PLA2G4E: variants seen among roughly 807,000 people sequenced by gnomAD.
The protein encoded by PLA2G4E is phospholipase A2 group IVE.
In PLA2G4E, 84 loss-of-function variants were observed where a neutral mutation model predicts 109.1. The ratio of observed to expected loss-of-function variants is 0.77; its 90% CI spans 0.65 to 0.92. The LOEUF (loss-of-function observed/expected upper bound fraction) is 0.92. PLA2G4E is among the 40% of genes least tolerant of loss of function. The pLI, the probability that PLA2G4E is intolerant of heterozygous loss-of-function variation, is 0.00. For synonymous variants in PLA2G4E, 469 were observed against 436.1 expected, an observed-to-expected ratio of 1.08 and a Z score of -0.94; for missense variants, 1,057 against 1,076.6, an observed-to-expected ratio of 0.98 and a Z score of 0.25.
chr15:42,050,645 T>C (rs929993198), exon 1 of PLA2G4E: 19 of 1,550,532 alleles, frequency 1.2e-5, no homozygotes, highest in Non-Finnish European at 1.5e-5. Context: ...TTGTGGGCTC[T>C]GTGGGACAAA....
intron 13 of PLA2G4E, among the ~76,000 whole-genome samples, chr15:41,991,249 G>A (rs1243079786): frequency 6.6e-6 from 1 of 152,190 alleles, no homozygotes; most frequent in Non-Finnish European, 1.5e-5. Context: ...TGGGAACCCA[G>A]CTCCTTCCCA....
intron 1 of PLA2G4E, among the ~76,000 whole-genome samples, chr15:42,029,018 A>G (rs780125548): frequency 6.6e-6 from 1 of 152,196 alleles, no homozygotes; most frequent in African/African-American, 2.4e-5. Context: ...AGTGTCATCA[A>G]TGTATCTGGC....
At chr15:42,018,003 G>T (rs1236564773) in intron 1 of PLA2G4E, among the ~76,000 whole-genome samples, 1 of 152,200 alleles carries the variant, frequency 6.6e-6, no homozygotes. Flanking sequence ...GCACAGAATT[G>T]GGACTGGGAA....
chr15:42,011,184 C>G (rs1187417060), intron 2 of PLA2G4E, among the ~76,000 whole-genome samples: 1 of 152,258 alleles, frequency 6.6e-6, no homozygotes, highest in African/African-American at 2.4e-5. Flanking sequence ...CCAGGTATCG[C>G]CCAAAGGCAG....
rs1566832662 is a variant in PLA2G4E, at chr15:41,983,816, G to GGA, written c.2543_2544dup (p.Leu849SerfsTer15). On this transcript the variant is annotated frameshift_variant, in exon 20 of 20. Transcript: ENST00000399518. LOFTEE classifies it high-confidence loss of function. ...TCCACTGCGAGCCGCAGAGCCTGGA[G>GGA]GAGAGTGTCCTTATTATTCAGGATG... The GGA allele has an allele frequency of 6.2e-7, 1 of 1,610,624 alleles. No individual in the cohort carries two copies. The highest frequency in any genetic ancestry group is 8.5e-7 in the Non-Finnish European group (1 of 1,178,408).
chr15:42,005,020 C>T (rs1595566004), intron 4 of PLA2G4E, 42 bp from the exon 5 acceptor site: 2 of 1,606,166 alleles, frequency 1.2e-6, no homozygotes, highest in Non-Finnish European at 1.7e-6. Context: ...GTGGCGTCTG[C>T]ACATCTCTGC....
intron 17 of PLA2G4E, 110 bp downstream of exon 17, chr15:41,987,062 G>A: frequency 8.6e-7 from 1 of 1,161,966 alleles, no homozygotes. Context: ...GCCTGGCCCA[G>A]TGAACATAGC....
chr15:42,040,028 T>C (rs1020676122), intron 1 of PLA2G4E, among the ~76,000 whole-genome samples: 8 of 152,196 alleles, frequency 5.3e-5, no homozygotes, highest in African/African-American at 1.9e-4. Flanking sequence ...ATTCTATCAA[T>C]AAATGTACTT....
At chr15:42,011,821 C>T (rs1409975147) in intron 2 of PLA2G4E, among the ~76,000 whole-genome samples, 4 of 152,162 alleles carry the variant, frequency 2.6e-5, no homozygotes, top group Non-Finnish European at 5.9e-5. Flanking sequence ...TGGGTTGTCC[C>T]AAGGATGAGG....
At chr15:42,018,946 C>G (rs1441061408) in intron 1 of PLA2G4E, among the ~76,000 whole-genome samples, 1 of 152,054 alleles carries the variant, frequency 6.6e-6, no homozygotes, top group Non-Finnish European at 1.5e-5. Context: ...TGACTCTGCT[C>G]TGGCAGGCCC....
chr15:42,036,830 G>T (rs920455350), intron 1 of PLA2G4E, among the ~76,000 whole-genome samples: 2 of 152,174 alleles, frequency 1.3e-5, no homozygotes, highest in Non-Finnish European at 2.9e-5. Context: ...TGTGGGCCTG[G>T]GCCTCTGTGT....
At chr15:42,050,659 A>G in exon 1 of PLA2G4E, 1 of 1,550,518 alleles carries the variant, frequency 6.4e-7, no homozygotes, top group South Asian at 1.2e-5. Context: ...GGACAAACAC[A>G]TTAGTTCCCA....
intron 1 of PLA2G4E, among the ~76,000 whole-genome samples, chr15:42,017,007 G>T (rs1006526665): frequency 6.6e-6 from 1 of 152,212 alleles, no homozygotes; most frequent in Admixed American, 6.5e-5. Context: ...GGCCTGGTGA[G>T]GAGGCAGGGT....
exon 13 of PLA2G4E, chr15:41,992,951 G>T (rs778664823): frequency 6.2e-7 from 1 of 1,611,456 alleles, no homozygotes; most frequent in Admixed American, 1.7e-5. Flanking sequence ...GTACAAGGTA[G>T]CCATGGTCCT....
intron 4 of PLA2G4E, 73 bp from the exon 5 acceptor site, chr15:42,005,051 C>G: frequency 6.4e-7 from 1 of 1,568,764 alleles, no homozygotes; most frequent in Non-Finnish European, 8.7e-7. Context: ...CCTTTGCCAC[C>G]CTGGGAGCCG....
chr15:42,002,930 G>A (rs2068437079), intron 5 of PLA2G4E, among the ~76,000 whole-genome samples: 1 of 152,210 alleles, frequency 6.6e-6, no homozygotes, highest in African/African-American at 2.4e-5. Context: ...AAGAGTAGGA[G>A]AGTTCTATTT....
At chr15:42,010,285 A>T in intron 2 of PLA2G4E, 1 of 389,442 alleles carries the variant, frequency 2.6e-6, no homozygotes, top group South Asian at 2.2e-5. Flanking sequence ...TCCCTCTAAA[A>T]TTGTTTTCCT....
chr15:41,988,085 A>G, exon 16 of PLA2G4E: 1 of 1,608,116 alleles, frequency 6.2e-7, no homozygotes. Flanking sequence ...CACCTGTGGA[A>G]AAACTCCTCC....
At chr15:42,009,667 T>A (rs1275582105) in intron 2 of PLA2G4E, among the ~76,000 whole-genome samples, 1 of 152,148 alleles carries the variant, frequency 6.6e-6, no homozygotes, top group African/African-American at 2.4e-5. Context: ...CACATGTACA[T>A]TCACACACAT....
Sources: allele counts gnomAD v4.1 joint callset (sites outside exome capture counted in the v4.1 genomes callset), GRCh38; gene constraint gnomAD v4.1.1; transcripts MANE v1.5; gene names NCBI Gene and HGNC (gene_info 2026-07-23, HGNC 2026-07-21).